The following HRH1 variants were observed in gnomAD, a reference collection of about 807,000 sequenced individuals.
HRH1 encodes the protein histamine H1 receptor.
HRH1 carries 6 observed loss-of-function variants against 10.3 expected under a neutral mutation model. The observed-to-expected ratio is 0.58, with a 90% CI of 0.32 to 1.15. The LOEUF (loss-of-function observed/expected upper bound fraction) is 1.15, where lower values mean the gene tolerates loss of function less well. Ranked by LOEUF, HRH1 falls within the 50% of genes most tolerant of loss-of-function variation. The probability of loss-of-function intolerance (pLI) is 0.05; values close to 1 mark genes in which losing one functional copy is unlikely to be tolerated. For missense variants in HRH1, 514 were observed against 615.3 expected, an observed-to-expected ratio of 0.84 and a Z score of 1.74; for synonymous variants, 242 against 236.7, an observed-to-expected ratio of 1.02 and a Z score of -0.21.
In HRH1 at chr3:11,262,744, A is replaced by C. The variant is rs1939988912; in HGVS notation, c.*2243A>C. 6.0e-6 allele frequency: 1 copy of C among 167,112 alleles called. No homozygotes were observed. The allele number at this position is 167,112 out of a possible 1,614,324, so 10.4% of individuals were successfully genotyped here. On this transcript the variant is annotated 3_prime_UTR_variant, in exon 2 of 2. Transcript: ENST00000431010. ...ATTGTGAGCTCTGCCTCTGGGTCAG[A>C]GAGACCTGGATTTGAGTCTGACAAG...
At chr3:11,186,107 C>A (rs971559187) in intron 1 of HRH1, among the ~76,000 whole-genome samples, 1 of 152,110 alleles carries the variant, frequency 6.6e-6, no homozygotes, top group Non-Finnish European at 1.5e-5. Flanking sequence ...CAAGCAAGAT[C>A]GAGCCCTGTT....
At chr3:11,257,248 G>A (rs1195170623) in intron 1 of HRH1, among the ~76,000 whole-genome samples, 20 of 112,248 alleles carry the variant, frequency 1.8e-4, no homozygotes, top group Admixed American at 3.1e-4. Context: ...GTGAGACTCT[G>A]TCCTAAAAAA....
intron 1 of HRH1, among the ~76,000 whole-genome samples, chr3:11,159,047 A>C (rs1244779480): frequency 6.6e-6 from 1 of 152,216 alleles, no homozygotes; most frequent in African/African-American, 2.4e-5. Flanking sequence ...CGGGAGTTTG[A>C]GACCAGCCTG....
chr3:11,232,541 A>G (rs1575031450), intron 1 of HRH1, among the ~76,000 whole-genome samples: 2 of 152,192 alleles, frequency 1.3e-5, no homozygotes, highest in East Asian at 3.8e-4. Context: ...ATTAATATAT[A>G]GTAGTTTTGA....
At chr3:11,242,277 C>G (rs961217785) in intron 1 of HRH1, among the ~76,000 whole-genome samples, 47 of 152,116 alleles carry the variant, frequency 3.1e-4, no homozygotes, top group Non-Finnish European at 3.7e-4. Context: ...GTCAGGAGAT[C>G]AAGACCATCC....
chr3:11,183,365 C>T (rs1010621235), intron 1 of HRH1, among the ~76,000 whole-genome samples: 1 of 152,138 alleles, frequency 6.6e-6, no homozygotes, highest in Non-Finnish European at 1.5e-5. Flanking sequence ...TGGTCTTGAC[C>T]CTAGGGACAC....
chr3:11,168,344 AG>A (rs1937087872), intron 1 of HRH1, among the ~76,000 whole-genome samples: 1 of 152,134 alleles, frequency 6.6e-6, no homozygotes, highest in South Asian at 2.1e-4. Context: ...GAGAGCCTGC[AG>A]GGTTCTCAGC....
chr3:11,227,858 G>C (rs1463827854), intron 1 of HRH1, among the ~76,000 whole-genome samples: 1 of 152,164 alleles, frequency 6.6e-6, no homozygotes, highest in Admixed American at 6.5e-5. Context: ...ATTGCTGTTG[G>C]AGCTGGCCAA....
At chr3:11,138,684 AC>A (rs1353356632) in intron 1 of HRH1, among the ~76,000 whole-genome samples, 2 of 151,366 alleles carry the variant, frequency 1.3e-5, no homozygotes, top group Non-Finnish European at 2.9e-5. Context: ...AAAAACTTGT[AC>A]AAGAATGTTC....
At position 11,235,229 on chromosome 3, in the gene HRH1, G is replaced by T. The variant is rs138007547; in HGVS notation, c.-35-23774G>T. On this transcript the variant is annotated intron_variant, in intron 1 of 1. Transcript: ENST00000431010. ...GACTCCATCTCAAAAAAAAAAAAAT[G>T]CTATTAGAAATCCCTTCTCATTTTT... is the stretch of plus-strand genomic sequence containing the variant. Among the ~76,000 whole-genome samples, 166 of 151,084 alleles carry T rather than the reference G, an allele frequency of 1.1e-3. 1 individual carries two copies. Among genetic ancestry groups the T allele is most frequent in the African/African-American group, 3.8e-3 (157 of 40,926 alleles).
At chr3:11,199,260 C>T (rs966828659) in intron 1 of HRH1, among the ~76,000 whole-genome samples, 1 of 152,060 alleles carries the variant, frequency 6.6e-6, no homozygotes, top group African/African-American at 2.4e-5. Context: ...AAGCAGCTTG[C>T]CTGTGGTTGT....
intron 1 of HRH1, among the ~76,000 whole-genome samples, chr3:11,252,118 G>A (rs560589985): frequency 6.6e-6 from 1 of 152,320 alleles, no homozygotes; most frequent in South Asian, 2.1e-4. Context: ...ATTGCCAAAT[G>A]ATGGGGTCTG....
intron 1 of HRH1, among the ~76,000 whole-genome samples, chr3:11,203,413 T>C (rs1159500560): frequency 6.6e-6 from 1 of 152,204 alleles, no homozygotes; most frequent in Non-Finnish European, 1.5e-5. Flanking sequence ...TTTGGTATTG[T>C]ATCTAAAAAG....
At chr3:11,246,221 A>G (rs1401363212) in intron 1 of HRH1, among the ~76,000 whole-genome samples, 2 of 152,112 alleles carry the variant, frequency 1.3e-5, no homozygotes, top group Admixed American at 1.3e-4. Context: ...CTAGGCTGCT[A>G]CTCTGAGGAC....
chr3:11,213,051 T>C (rs879113957), intron 1 of HRH1, among the ~76,000 whole-genome samples: 1 of 152,198 alleles, frequency 6.6e-6, no homozygotes, highest in Non-Finnish European at 1.5e-5. Context: ...TTGACCACCC[T>C]ATATAAACAG....
At chr3:11,252,138 G>T (rs1310724574) in intron 1 of HRH1, among the ~76,000 whole-genome samples, 2 of 152,208 alleles carry the variant, frequency 1.3e-5, no homozygotes, top group Non-Finnish European at 2.9e-5. Context: ...GGCTCGTCTT[G>T]TGTGAGCTTT....
intron 1 of HRH1, among the ~76,000 whole-genome samples, chr3:11,253,839 A>G (rs550951601): frequency 2.6e-5 from 4 of 152,226 alleles, no homozygotes; most frequent in African/African-American, 9.6e-5. Flanking sequence ...TAACTCGTCT[A>G]AAGTATATAT....
rs1936510455 is a variant in HRH1 at position 11,148,385 on chromosome 3, A to T, written c.-36+10986A>T. On this transcript the variant is annotated intron_variant, in intron 1 of 1. Coordinates refer to the HRH1 transcript ENST00000438284. ...GTTAGGATCAGGTTTATCTGCATGT[A>T]AGAGAATATCCAAAACACCAGTAAC... Among the ~76,000 whole-genome samples, 3 of 152,174 alleles carry T rather than the reference A, an allele frequency of 2.0e-5. No individual in the cohort carries two copies. In the South Asian group the frequency reaches 6.2e-4, roughly 31 times the overall value.
chr3:11,234,607 T>C (rs957451999), intron 1 of HRH1: 9 of 1,436,504 alleles, frequency 6.3e-6, no homozygotes, highest in African/African-American at 1.4e-5. Flanking sequence ...CAATTCTGCA[T>C]TGCTTGGAGT....
Sources: gnomAD v4.1 joint callset for allele counts (sites outside exome capture counted in the v4.1 genomes callset) on GRCh38, gnomAD v4.1.1 for gene constraint, MANE v1.5 for transcripts, NCBI Gene and HGNC (gene_info 2026-07-23, HGNC 2026-07-21) for gene names.